Variants in E2F3 observed in about 807,000 individuals in gnomAD.
E2F3 encodes the protein E2F transcription factor 3, also known as transcription factor E2F3.
E2F3 carries 11 observed loss-of-function variants against 44.4 expected under a neutral mutation model. The ratio of observed to expected loss-of-function variants is 0.25; its 90% CI spans 0.16 to 0.41. The LOEUF is 0.41. Among genes scored for constraint, E2F3 ranks in the 10% least tolerant of loss-of-function variants. E2F3 has a pLI of 1.00. For synonymous variants in E2F3, 249 were observed against 253.0 expected (o/e 0.98, Z 0.15); for missense variants, 487 against 583.6 (o/e 0.83, Z 1.70).
At chr6:20,449,462 T>C (rs531322675) in intron 1 of E2F3, among the ~76,000 whole-genome samples, 13 of 152,220 alleles carry the variant, frequency 8.5e-5, no homozygotes, top group Non-Finnish European at 1.5e-4. Context: ...CAGACACTCT[T>C]TCAATCTTCT....
At chr6:20,423,871 C>T (rs975921503) in intron 1 of E2F3, among the ~76,000 whole-genome samples, 12 of 152,074 alleles carry the variant, frequency 7.9e-5, no homozygotes, top group Admixed American at 2.0e-4. Flanking sequence ...CGAGTTCAAC[C>T]GATTCTCCTG....
chr6:20,418,140 C>T (rs73382456), intron 1 of E2F3, among the ~76,000 whole-genome samples: 2 of 152,246 alleles, frequency 1.3e-5, no homozygotes, highest in African/African-American at 2.4e-5. Flanking sequence ...GGAGGTCTAG[C>T]GTGACTAAAC....
At chr6:20,478,997 A>G (rs1399829635) in intron 1 of E2F3, among the ~76,000 whole-genome samples, 1 of 152,154 alleles carries the variant, frequency 6.6e-6, no homozygotes, top group African/African-American at 2.4e-5. Flanking sequence ...CCCCTTATCT[A>G]TCTTGCTTAC....
chr6:20,480,596 C>T (rs1762190743), intron 2 of E2F3, among the ~76,000 whole-genome samples: 1 of 152,164 alleles, frequency 6.6e-6, no homozygotes, highest in South Asian at 2.1e-4. Flanking sequence ...GACCTGTGCA[C>T]CTATGGGGGA....
At position 20,402,646 on chromosome 6, in the gene E2F3, C is replaced by T. The variant is rs1759345539; in HGVS notation, c.393+21C>T. On this transcript the variant is annotated intron_variant, in intron 1 of 6. Transcript: ENST00000346618. The surrounding 1 kb of genome is among the most constrained non-coding windows in gnomAD (Gnocchi z 5.6). Reference sequence around the variant, plus strand: ...CTCCGGTAATACCCTCCCTCCCCACCGTCCCCAGCCCCGGCGGGAGGTGGG... The same window carrying T: ...CTCCGGTAATACCCTCCCTCCCCACTGTCCCCAGCCCCGGCGGGAGGTGGG... The T allele has an allele frequency of 1.9e-5, 25 of 1,317,644 alleles. No individual in the cohort carries two copies. The South Asian group carries it at 1.9e-4, about 10-fold the overall frequency. The allele number at this position is 1,317,644 out of a possible 1,614,324, so 81.6% of individuals were successfully genotyped here.
intron 4 of E2F3, among the ~76,000 whole-genome samples, chr6:20,485,918 T>C (rs766650789): frequency 3.6e-4 from 55 of 152,324 alleles, no homozygotes; most frequent in African/African-American, 1.2e-3. Flanking sequence ...TGCTTGTAGA[T>C]AGAAGTAACT....
chr6:20,457,556 A>G (rs1761352479), intron 1 of E2F3, among the ~76,000 whole-genome samples: 1 of 152,066 alleles, frequency 6.6e-6, no homozygotes. Context: ...AATTGTAGGA[A>G]GGTATATAGG....
Position 20,402,441 on chromosome 6 carries a change from G to C in E2F3, c.209G>C (p.Cys70Ser), listed in dbSNP as rs1241040300. 6.2e-7 allele frequency: 1 copy of C among 1,610,854 alleles called. No homozygotes were observed. The highest frequency in any genetic ancestry group is 1.7e-5 in the Admixed American group (1 of 59,906). Residue 70 changes from cysteine (C) to serine (S), a missense_variant, in exon 1 of 7, where the codon TGT (cysteine) becomes TCT (serine). Around this residue, in one of 3 missense-constraint regions of E2F3, gnomAD observed 238 missense variants for 236.0 expected, o/e 1.01. Transcript: ENST00000346618. This position sits in a 1 kb window ranked among gnomAD's most constrained non-coding sequence, Gnocchi z 5.6. ...ILTTNTSTTSCSSSLQSGAVA... is the reference protein window; with the variant it reads ...ILTTNTSTTSSSSSLQSGAVA... ...ACCACGAACACTTCCACCACCTCCTGTTCCTCCTCCCTCCAAAGCGGCGCC... is the reference window on the plus strand; with the variant it reads ...ACCACGAACACTTCCACCACCTCCTCTTCCTCCTCCCTCCAAAGCGGCGCC...
chr6:20,443,262 G>GTCTGCATATAGTGAT (rs1760833083), intron 1 of E2F3, among the ~76,000 whole-genome samples: 1 of 152,184 alleles, frequency 6.6e-6, no homozygotes, highest in African/African-American at 2.4e-5. Context: ...TGTGGGAATA[G>GTCTGCATATAGTGAT]TCTGCATATA....
chr6:20,457,260 C>T (rs1195981261), intron 1 of E2F3, among the ~76,000 whole-genome samples: 9 of 151,654 alleles, frequency 5.9e-5, no homozygotes, highest in East Asian at 1.9e-4. Context: ...CTGCACCCTC[C>T]GCACCCCAGG....
intron 1 of E2F3, among the ~76,000 whole-genome samples, chr6:20,478,983 G>A (rs566038911): frequency 2.0e-5 from 3 of 152,124 alleles, no homozygotes; most frequent in East Asian, 1.9e-4. Context: ...TCTTGGACTC[G>A]AAGCCCCTTA....
chr6:20,424,863 G>A (rs931580864), intron 1 of E2F3, among the ~76,000 whole-genome samples: 9 of 152,170 alleles, frequency 5.9e-5, no homozygotes, highest in Non-Finnish European at 1.2e-4. Context: ...GTCCAAGGCT[G>A]CATTTCTGGA....
intron 1 of E2F3, among the ~76,000 whole-genome samples, chr6:20,478,913 A>G (rs146844839): frequency 6.6e-6 from 1 of 152,326 alleles, no homozygotes; most frequent in Non-Finnish European, 1.5e-5. Context: ...TTTATTTTCT[A>G]AAACACCTGT....
chr6:20,490,148 C>T lies in E2F3; in HGVS notation c.1136-20C>T. The T allele has an allele frequency of 6.5e-7, 1 of 1,543,416 alleles. No individual in the cohort carries two copies. The highest frequency in any genetic ancestry group is 8.7e-7 in the Non-Finnish European group (1 of 1,145,262). On this transcript the variant is annotated intron_variant, in intron 6 of 6. Transcript: ENST00000346618. The surrounding 1 kb of genome is among the most constrained non-coding windows in gnomAD (Gnocchi z 4.3). ...ATTTTTCTAACTTATTTTTTGTTTCCATCAATGTTTTCTTTTCAGACTTGG... is the reference window on the plus strand; with the variant it reads ...ATTTTTCTAACTTATTTTTTGTTTCTATCAATGTTTTCTTTTCAGACTTGG...
At chr6:20,485,404 C>T (rs2127624768) in intron 4 of E2F3, among the ~76,000 whole-genome samples, 1 of 152,108 alleles carries the variant, frequency 6.6e-6, no homozygotes, top group Non-Finnish European at 1.5e-5. Flanking sequence ...CAGGGTAAAA[C>T]CCCATCTCTA....
At position 20,467,415 on chromosome 6, in the gene E2F3, A is replaced by G. The variant is rs114118091; in HGVS notation, c.394-12431A>G. Among the ~76,000 whole-genome samples the G allele has an allele frequency of 8.0e-3, 1,218 of 152,172 alleles. 14 individuals carry two copies. The highest frequency in any genetic ancestry group is 0.027 in the African/African-American group (1,136 of 41,500). On this transcript the variant is annotated intron_variant, in intron 1 of 6. Transcript: ENST00000346618. ...AAACCAAAGACACTGCTCCTAAATT[A>G]CTCTCACAGTGCATTTTAGTAAAGC...
intron 1 of E2F3, among the ~76,000 whole-genome samples, chr6:20,430,942 T>C (rs1021110310): frequency 3.3e-4 from 50 of 152,202 alleles, no homozygotes; most frequent in African/African-American, 9.6e-4. Flanking sequence ...GGAGAATCAC[T>C]TGAACCCAGG....
intron 6 of E2F3, among the ~76,000 whole-genome samples, chr6:20,489,926 C>T (rs1337273872): frequency 6.6e-6 from 1 of 152,160 alleles, no homozygotes; most frequent in Non-Finnish European, 1.5e-5. Context: ...GTCATGATCA[C>T]ACCACTGCAC....
At chr6:20,443,614 A>C (rs2127597377) in intron 1 of E2F3, among the ~76,000 whole-genome samples, 1 of 151,936 alleles carries the variant, frequency 6.6e-6, no homozygotes, top group African/African-American at 2.4e-5. Context: ...GCACGCCTGT[A>C]GTCTTAGTTA....
Sources: gnomAD v4.1 joint callset for allele counts (sites outside exome capture counted in the v4.1 genomes callset) on GRCh38, gnomAD v4.1.1 for gene constraint, gnomAD v4.1.1 regional missense constraint, Gnocchi (gnomAD v3.1) non-coding constraint, MANE v1.5 for transcripts, NCBI Gene and HGNC (gene_info 2026-07-23, HGNC 2026-07-21) for gene names.